ELMO1: variants seen among roughly 807,000 people sequenced by gnomAD.
ELMO1 encodes engulfment and cell motility protein 1.
ELMO1 carries 26 observed loss-of-function variants against 98.9 expected under a neutral mutation model. The observed-to-expected ratio is 0.26, with a 90% CI of 0.19 to 0.36. ELMO1 has a LOEUF of 0.36. ELMO1 is among the 10% of genes least tolerant of loss of function. The pLI, the probability that ELMO1 is intolerant of heterozygous loss-of-function variation, is 1.00. For synonymous variants in ELMO1, 346 were observed against 346.0 expected (o/e 1.00, Z 0.00); for missense variants, 627 against 935.2 (o/e 0.67, Z 4.30).
intron 1 of ELMO1, among the ~76,000 whole-genome samples, chr7:37,435,662 C>G (rs541252545): frequency 6.6e-6 from 1 of 152,334 alleles, no homozygotes; most frequent in East Asian, 1.9e-4. Flanking sequence ...GAGTCTCAGA[C>G]TGTTTCATTA....
intron 14 of ELMO1, among the ~76,000 whole-genome samples, chr7:37,109,747 T>C (rs1163635492): frequency 1.3e-5 from 2 of 152,158 alleles, no homozygotes; most frequent in African/African-American, 4.8e-5. Context: ...GCTGGAAACA[T>C]TGCCTCAACA....
chr7:37,310,722 A>G (rs140150172), intron 4 of ELMO1, among the ~76,000 whole-genome samples: 26 of 152,154 alleles, frequency 1.7e-4, no homozygotes, highest in African/African-American at 6.3e-4. Flanking sequence ...GGCTGAGGCA[A>G]TGGTACAGAG....
At chr7:37,437,356 G>A (rs1805193090) in intron 1 of ELMO1, among the ~76,000 whole-genome samples, 1 of 152,176 alleles carries the variant, frequency 6.6e-6, no homozygotes, top group South Asian at 2.1e-4. Flanking sequence ...AAATGGAACT[G>A]GGGATACACA....
At chr7:37,377,128 C>A (rs531767890) in intron 1 of ELMO1, among the ~76,000 whole-genome samples, 1 of 152,312 alleles carries the variant, frequency 6.6e-6, no homozygotes, top group East Asian at 1.9e-4. Flanking sequence ...TCATGGCTGA[C>A]TGCAAGTTTT....
chr7:37,294,450 G>T (rs917375155), intron 4 of ELMO1, among the ~76,000 whole-genome samples: 2 of 152,106 alleles, frequency 1.3e-5, no homozygotes, highest in Admixed American at 6.6e-5. Flanking sequence ...TCAGGGTGAC[G>T]GGAATAGAAA....
intron 17 of ELMO1, among the ~76,000 whole-genome samples, chr7:36,890,082 T>C (rs1805423335): frequency 1.3e-5 from 2 of 152,174 alleles, no homozygotes; most frequent in African/African-American, 4.8e-5. Context: ...AATAACCCCA[T>C]GGGCTATAAC....
chr7:37,320,503 A>G (rs113550400), intron 2 of ELMO1, among the ~76,000 whole-genome samples: 2 of 152,258 alleles, frequency 1.3e-5, no homozygotes, highest in African/African-American at 4.8e-5. Context: ...CAACTCTAAC[A>G]AGGGACTCTT....
chr7:37,213,357 G>A lies in ELMO1; in HGVS notation c.932C>T (p.Thr311Ile), dbSNP rs1317339073. 6.2e-7 allele frequency: 1 copy of A among 1,612,748 alleles called. No homozygotes were observed. The highest frequency in any genetic ancestry group is 1.3e-5 in the African/African-American group (1 of 74,844). Reference sequence around the variant, plus strand: ...CACCTGGTCCTGGGGGTCCATTTTGGTCATCATCCTGTCTTCCAGGAGGTT... The same window carrying A: ...CACCTGGTCCTGGGGGTCCATTTTGATCATCATCCTGTCTTCCAGGAGGTT... ...TFNLLEDRMM[T>I]KMDPQDQAQR... Residue 311 changes from threonine to isoleucine, a missense_variant, in exon 12 of 22, where the codon ACC (threonine) becomes ATC (isoleucine). Thr to Ile is a moderately conservative substitution (Grantham distance 89). Transcript: ENST00000310758.
At chr7:37,309,753 A>G (rs563677957) in intron 4 of ELMO1, among the ~76,000 whole-genome samples, 5 of 152,310 alleles carry the variant, frequency 3.3e-5, no homozygotes, top group African/African-American at 1.2e-4. Flanking sequence ...GGTCTCTCAC[A>G]AGGATGCAAA....
chr7:36,885,694 G>A (rs1234099478), intron 18 of ELMO1, among the ~76,000 whole-genome samples: 1 of 152,158 alleles, frequency 6.6e-6, no homozygotes, highest in Non-Finnish European at 1.5e-5. Context: ...TGAGCTCCTG[G>A]ATCCCCTAAT....
chr7:37,444,910 G>T (rs1805547606), intron 1 of ELMO1, among the ~76,000 whole-genome samples: 1 of 152,220 alleles, frequency 6.6e-6, no homozygotes, highest in African/African-American at 2.4e-5. Flanking sequence ...TAAACCAACA[G>T]TATTTTGTTA....
intron 16 of ELMO1, among the ~76,000 whole-genome samples, chr7:36,964,339 T>C (rs1228694305): frequency 2.0e-5 from 3 of 152,228 alleles, no homozygotes; most frequent in African/African-American, 7.2e-5. Flanking sequence ...TACATTAGCC[T>C]ACAGGTAAGC....
intron 16 of ELMO1, among the ~76,000 whole-genome samples, chr7:36,935,979 TG>T (rs1458311420): frequency 6.6e-6 from 1 of 152,144 alleles, no homozygotes; most frequent in Non-Finnish European, 1.5e-5. Context: ...TACCTAAGAT[TG>T]CCCCCTCCTC....
intron 4 of ELMO1, among the ~76,000 whole-genome samples, chr7:37,293,626 T>C (rs1797869440): frequency 9.4e-6 from 1 of 106,616 alleles, no homozygotes; most frequent in African/African-American, 2.9e-5. Flanking sequence ...GAGACCTTTG[T>C]TCACTTGTTT....
intron 4 of ELMO1, among the ~76,000 whole-genome samples, chr7:37,283,824 C>G (rs1196579849): frequency 6.6e-6 from 1 of 152,258 alleles, no homozygotes; most frequent in African/African-American, 2.4e-5. Context: ...TTTCCTCTGA[C>G]AAGTTTATGC....
intron 1 of ELMO1, among the ~76,000 whole-genome samples, chr7:37,396,644 T>C (rs1250776299): frequency 6.6e-6 from 1 of 152,178 alleles, no homozygotes; most frequent in Non-Finnish European, 1.5e-5. Context: ...GATTGTAAAA[T>C]ATCCCAACCA....
intron 13 of ELMO1, among the ~76,000 whole-genome samples, chr7:37,178,818 T>A (rs1790660757): frequency 6.6e-6 from 1 of 151,870 alleles, no homozygotes; most frequent in Non-Finnish European, 1.5e-5. Context: ...TGAAGAACAG[T>A]CTACAAAACA....
intron 4 of ELMO1, among the ~76,000 whole-genome samples, chr7:37,298,324 TTAAG>T (rs1798162840): frequency 6.6e-6 from 1 of 150,506 alleles, no homozygotes; most frequent in Non-Finnish European, 1.5e-5. Flanking sequence ...TTATTATACT[TTAAG>T]TTTTAGGGTA....
chr7:37,264,766 T>C (rs1350645413), intron 5 of ELMO1, among the ~76,000 whole-genome samples: 1 of 152,134 alleles, frequency 6.6e-6, no homozygotes, highest in African/African-American at 2.4e-5. Flanking sequence ...AAACAGCTCA[T>C]AAAGGATTAG....
Sources: allele counts gnomAD v4.1 joint callset (sites outside exome capture counted in the v4.1 genomes callset), GRCh38; gene constraint gnomAD v4.1.1; transcripts MANE v1.5; gene names NCBI Gene and HGNC (gene_info 2026-07-23, HGNC 2026-07-21).